CSMD1: variants seen among roughly 807,000 people sequenced by gnomAD.
The protein encoded by CSMD1 is CUB and Sushi multiple domains 1.
CSMD1 carries 213 observed loss-of-function variants against 417.5 expected under a neutral mutation model. That is an observed-to-expected ratio of 0.51 (90% CI 0.46 to 0.57). The LOEUF (loss-of-function observed/expected upper bound fraction) is 0.57. Among genes scored for constraint, CSMD1 ranks in the 20% least tolerant of loss-of-function variants. The pLI, the probability that CSMD1 is intolerant of heterozygous loss-of-function variation, is 0.00. For synonymous variants in CSMD1, 2,862 were observed against 1,736.8 expected (o/e 1.65, Z -16.11); for missense variants, 6,923 against 4,529.7 (o/e 1.53, Z -15.17).
At chr8:3,943,235 A>T (rs1024007196) in intron 5 of CSMD1, among the ~76,000 whole-genome samples, 2 of 152,074 alleles carry the variant, frequency 1.3e-5, no homozygotes, top group African/African-American at 4.8e-5. Flanking sequence ...ACCTTTGTAC[A>T]ATCAACATTT....
At chr8:3,931,166 T>A (rs1810110128) in intron 5 of CSMD1, among the ~76,000 whole-genome samples, 1 of 150,732 alleles carries the variant, frequency 6.6e-6, no homozygotes, top group African/African-American at 2.4e-5. Flanking sequence ...GTCTGCATCT[T>A]TTAAAGCATC....
intron 1 of CSMD1, among the ~76,000 whole-genome samples, chr8:4,859,612 C>G (rs534069343): frequency 6.6e-6 from 1 of 152,106 alleles, no homozygotes; most frequent in Non-Finnish European, 1.5e-5. Context: ...CATGAACAGA[C>G]ACTTCTCAAA....
rs942278013 is a variant in CSMD1, at chr8:4,144,065, C to T, written c.416-111966G>A. 1.9e-4 allele frequency among the ~76,000 whole-genome samples: 29 copies of T among 151,186 alleles called. 3 individuals are homozygous for T. Among genetic ancestry groups the T allele is most frequent in the African/African-American group, 5.7e-4 (23 of 40,492 alleles). ...CCTTTGTTGTTAGGAAATGGGGAGA[C>T]GGAAGTTTTTCCTTTCCATTAACTT... On this transcript the variant is annotated intron_variant, in intron 3 of 69. Coordinates refer to ENST00000635120, the MANE Select transcript of CSMD1 (RefSeq NM_033225.6).
chr8:3,399,390 C>T lies in CSMD1; in HGVS notation c.2405+1G>A. ...CAAATGAAGACTAATTTTTTTCTTACCTGTCAAAAGTTATTTTGATAGAGT... is the reference window on the plus strand; with the variant it reads ...CAAATGAAGACTAATTTTTTTCTTATCTGTCAAAAGTTATTTTGATAGAGT... On this transcript the variant is annotated splice_donor_variant, in intron 16 of 69. Transcript: ENST00000635120. LOFTEE classifies it high-confidence loss of function. The T allele has an allele frequency of 6.3e-7, 1 of 1,594,350 alleles. No homozygotes were observed. Among genetic ancestry groups the T allele is most frequent in the Non-Finnish European group, 8.5e-7 (1 of 1,171,354 alleles).
At chr8:3,917,812 T>C (rs1001145122) in intron 5 of CSMD1, among the ~76,000 whole-genome samples, 1 of 152,120 alleles carries the variant, frequency 6.6e-6, no homozygotes. Flanking sequence ...ATTAGCAATA[T>C]TAGTTGTGTG....
At chr8:4,197,069 T>A (rs912913723) in intron 3 of CSMD1, among the ~76,000 whole-genome samples, 2 of 152,212 alleles carry the variant, frequency 1.3e-5, no homozygotes, top group African/African-American at 4.8e-5. Context: ...AGAGCTTGTG[T>A]TCTATGGGAA....
intron 52 of CSMD1, among the ~76,000 whole-genome samples, chr8:3,006,116 T>C (rs898397220): frequency 1.1e-4 from 16 of 150,980 alleles, no homozygotes; most frequent in African/African-American, 3.6e-4. Context: ...CAAGCATTCT[T>C]ATACACCAAC....
intron 5 of CSMD1, among the ~76,000 whole-genome samples, chr8:3,941,128 T>A (rs185765935): frequency 6.6e-6 from 1 of 152,076 alleles, no homozygotes; most frequent in Admixed American, 6.6e-5. Context: ...AACTCATATG[T>A]ATACAGTTAA....
chr8:4,542,880 T>C (rs749364128), intron 2 of CSMD1, among the ~76,000 whole-genome samples: 6 of 152,170 alleles, frequency 3.9e-5, no homozygotes, highest in Non-Finnish European at 8.8e-5. Flanking sequence ...ATCACTCTAA[T>C]AGAAATATAT....
intron 1 of CSMD1, among the ~76,000 whole-genome samples, chr8:4,662,571 G>C (rs989326973): frequency 6.6e-6 from 1 of 152,154 alleles, no homozygotes; most frequent in Non-Finnish European, 1.5e-5. Flanking sequence ...ATGTAAAGAT[G>C]TCATTCATGT....
rs555927834 is a variant in CSMD1, at chr8:3,952,771, A to G, written c.818+45132T>C. On this transcript the variant is annotated intron_variant, in intron 5 of 69. Coordinates refer to ENST00000635120, the MANE Select transcript of CSMD1 (RefSeq NM_033225.6). Reference sequence around the variant, plus strand: ...ATGTTATGTTTATTTCACTTCAATAAAAACAAAAGAAGTACTTGATTATTA... The same window carrying G: ...ATGTTATGTTTATTTCACTTCAATAGAAACAAAAGAAGTACTTGATTATTA... Among the ~76,000 whole-genome samples, 6 of 152,342 alleles carry G rather than the reference A, an allele frequency of 3.9e-5. No homozygotes were observed. The South Asian group carries it at 1.0e-3, about 26-fold the overall frequency.
chr8:3,905,353 C>G (rs1223657803), intron 5 of CSMD1, among the ~76,000 whole-genome samples: 1 of 152,156 alleles, frequency 6.6e-6, no homozygotes, highest in African/African-American at 2.4e-5. Flanking sequence ...AGTTGATCAT[C>G]TAAAAAAAGT....
At chr8:4,243,213 G>A (rs964474136) in intron 3 of CSMD1, among the ~76,000 whole-genome samples, 51 of 151,904 alleles carry the variant, frequency 3.4e-4, no homozygotes, top group Non-Finnish European at 1.3e-4. Flanking sequence ...CAGAGCGATT[G>A]GCTATTAGGA....
At chr8:4,889,188 C>T (rs1044395204) in intron 1 of CSMD1, among the ~76,000 whole-genome samples, 1 of 152,116 alleles carries the variant, frequency 6.6e-6, no homozygotes, top group African/African-American at 2.4e-5. Context: ...TACTGACAGA[C>T]ATGCCCCAAC....
At chr8:4,656,973 G>A (rs1006626452) in intron 1 of CSMD1, among the ~76,000 whole-genome samples, 8 of 152,014 alleles carry the variant, frequency 5.3e-5, no homozygotes, top group Non-Finnish European at 1.0e-4. Context: ...ACTCACATGA[G>A]GCACAAGAGA....
At chr8:3,059,011 G>T (rs953111599) in intron 49 of CSMD1, among the ~76,000 whole-genome samples, 1 of 152,160 alleles carries the variant, frequency 6.6e-6, no homozygotes, top group Non-Finnish European at 1.5e-5. Flanking sequence ...TTTGGGGAAA[G>T]GAGGATGTGT....
chr8:3,932,117 G>C (rs978722363), intron 5 of CSMD1, among the ~76,000 whole-genome samples: 3 of 150,288 alleles, frequency 2.0e-5, no homozygotes, highest in Admixed American at 1.3e-4. Context: ...CTTGAAAGTA[G>C]ATGATTTTAT....
chr8:3,280,411 T>G (rs1028152216), intron 26 of CSMD1, among the ~76,000 whole-genome samples: 9 of 152,228 alleles, frequency 5.9e-5, no homozygotes, highest in Non-Finnish European at 1.3e-4. Flanking sequence ...TAGACTATGC[T>G]TTTTAAATGT....
At chr8:4,368,984 C>G (rs1302158059) in intron 3 of CSMD1, among the ~76,000 whole-genome samples, 1 of 151,918 alleles carries the variant, frequency 6.6e-6, no homozygotes, top group African/African-American at 2.4e-5. Flanking sequence ...TTATTTTCTG[C>G]TATGTTTGGG....
Sources: gnomAD v4.1 joint callset for allele counts (sites outside exome capture counted in the v4.1 genomes callset) on GRCh38, gnomAD v4.1.1 for gene constraint, MANE v1.5 for transcripts, NCBI Gene and HGNC (gene_info 2026-07-23, HGNC 2026-07-21) for gene names.